Variants in SLC4A7 observed in about 807,000 individuals in gnomAD.
SLC4A7 encodes the protein solute carrier family 4 member 7, also known as sodium bicarbonate cotransporter 3.
In SLC4A7, 51 loss-of-function variants were observed where a neutral mutation model predicts 137.6. The ratio of observed to expected loss-of-function variants is 0.37; its 90% CI spans 0.30 to 0.47. The LOEUF (loss-of-function observed/expected upper bound fraction) is 0.47. Ranked by LOEUF, SLC4A7 falls within the 20% of genes least tolerant of loss-of-function variation. SLC4A7 has a pLI of 1.00. For synonymous variants in SLC4A7, 542 were observed against 518.6 expected (o/e 1.05, Z -0.61); for missense variants, 1,247 against 1,525.4 (o/e 0.82, Z 3.04).
intron 1 of SLC4A7, among the ~76,000 whole-genome samples, chr3:27,472,569 G>A (rs1311925781): frequency 6.6e-6 from 1 of 152,096 alleles, no homozygotes; most frequent in Non-Finnish European, 1.5e-5. Context: ...GCATTTTTCA[G>A]CTGTGATCTG....
chr3:27,394,659 A>C lies in SLC4A7; in HGVS notation c.2976T>G (p.His992Gln), dbSNP rs746873840. The change falls in exon 20 of 26, where the codon CAT becomes CAG. Residue 992 changes from histidine (H) to glutamine (Q), a missense_variant. By Grantham distance (24) the His-to-Gln change is conservative. Around this residue, in one of 6 missense-constraint regions of SLC4A7, gnomAD observed 290 missense variants for 323.8 expected, o/e 0.90. Coordinates refer to ENST00000454389, the MANE Select transcript of SLC4A7 (RefSeq NM_001321103.2). ...CAGATTCAACTTTTAAGCTGTTGAC[A>C]TGACTTATTGACAACACTGTTGCAG... Reference protein sequence around the residue: ...FVAATVLSISHVNSLKVESEC... With the variant: ...FVAATVLSISQVNSLKVESEC... The C allele has an allele frequency of 2.5e-6, 4 of 1,614,082 alleles. No individual in the cohort carries two copies. In the African/African-American group the frequency reaches 5.3e-5, roughly 22 times the overall value.
chr3:27,408,740 A>G (rs1397040159), intron 13 of SLC4A7, among the ~76,000 whole-genome samples: 1 of 152,242 alleles, frequency 6.6e-6, no homozygotes, highest in Non-Finnish European at 1.5e-5. Flanking sequence ...ATAACCAGGA[A>G]CAGGAAAACA....
intron 8 of SLC4A7, among the ~76,000 whole-genome samples, chr3:27,422,398 G>C (rs543722522): frequency 6.6e-6 from 1 of 152,194 alleles, no homozygotes; most frequent in East Asian, 1.9e-4. Context: ...CTCCCGAGTA[G>C]CTGAGACTAC....
intron 3 of SLC4A7, among the ~76,000 whole-genome samples, chr3:27,438,575 C>G (rs574329939): frequency 6.7e-6 from 1 of 148,648 alleles, no homozygotes; most frequent in East Asian, 1.9e-4. Context: ...CATAAAATAA[C>G]AAAATAACAT....
chr3:27,464,803 G>T (rs549691097), intron 1 of SLC4A7, among the ~76,000 whole-genome samples: 5 of 152,280 alleles, frequency 3.3e-5, no homozygotes, highest in Admixed American at 2.0e-4. Context: ...TGGGAGGATG[G>T]GGTGGAACCG....
intron 1 of SLC4A7, among the ~76,000 whole-genome samples, chr3:27,460,039 T>C (rs1439443129): frequency 6.9e-6 from 1 of 144,134 alleles, no homozygotes; most frequent in Non-Finnish European, 1.5e-5. Flanking sequence ...ATATATATAA[T>C]TTTTTTTTTT....
At chr3:27,409,246 CA>C in intron 13 of SLC4A7, 109 bp downstream of exon 13, 1 of 812,008 alleles carries the variant, frequency 1.2e-6, no homozygotes. Flanking sequence ...TCACGTTAAT[CA>C]TGCTGTGGGT....
intron 1 of SLC4A7, among the ~76,000 whole-genome samples, chr3:27,474,121 A>G (rs2059369882): frequency 6.6e-6 from 1 of 152,188 alleles, no homozygotes; most frequent in African/African-American, 2.4e-5. Flanking sequence ...AAAGTCTAAC[A>G]TTATCAAAAA....
chr3:27,434,017 T>A lies in SLC4A7; in HGVS notation c.677A>T (p.His226Leu), dbSNP rs770088340. ...GGTGAATCTTTTCTCATTCTGATGA[T>A]GATGTCTCTTCAGAAGAGCTTCTCT... ...NVREALLKRH[H>L]HQNEKRFTSR... Residue 226 changes from histidine to leucine, a missense_variant, in exon 6 of 26, where the codon CAT becomes CTT. Transcript: ENST00000454389. 1 of 1,613,268 alleles carries A rather than the reference T, an allele frequency of 6.2e-7. No homozygotes were observed. The highest frequency in any genetic ancestry group is 2.2e-5 in the East Asian group (1 of 44,824).
chr3:27,411,702 A>G lies in SLC4A7; in HGVS notation c.1706T>C (p.Leu569Pro), dbSNP rs751196756. 6.4e-7 allele frequency: 1 copy of G among 1,560,190 alleles called. No individual in the cohort carries two copies. The highest frequency in any genetic ancestry group is 1.8e-5 in the Admixed American group (1 of 55,212). ...PVFHNGSTPT[L>P]GETPKEAAHH... ...AGCGGCCTCTTTAGGAGTCTCACCC[A>G]GTGTGGGGGTAGATCCATTGTGAAA... Residue 569 changes from leucine to proline, a missense_variant, in exon 12 of 26, where the codon CTG (leucine) becomes CCG (proline). Leu to Pro is a moderately conservative substitution (Grantham distance 98). Around this residue, in one of 6 missense-constraint regions of SLC4A7, gnomAD observed 499 missense variants for 664.2 expected, o/e 0.75. Transcript: ENST00000454389.
In SLC4A7 at chr3:27,376,677, G is replaced by A; in HGVS notation, c.*87C>T. ...CCCGGTAGTCACACATAAACAGCAT[G>A]ACATACAATATTCTTATATATAGTG... On this transcript the variant is annotated 3_prime_UTR_variant, in exon 26 of 26. Coordinates refer to ENST00000454389, the MANE Select transcript of SLC4A7 (RefSeq NM_001321103.2). 1.2e-6 allele frequency: 1 copy of A among 805,928 alleles called. No homozygotes were observed. The highest frequency in any genetic ancestry group is 2.0e-6 in the Non-Finnish European group (1 of 491,972). 49.9% of individuals were successfully genotyped at this position (805,928 alleles called of 1,614,324 possible).
intron 24 of SLC4A7, among the ~76,000 whole-genome samples, chr3:27,379,978 G>A (rs1559613385): frequency 1.3e-5 from 2 of 152,104 alleles, no homozygotes; most frequent in Non-Finnish European, 2.9e-5. Context: ...TATTTAGTGT[G>A]ATAAAGGTGG....
chr3:27,385,223 C>T (rs550198945), intron 23 of SLC4A7, among the ~76,000 whole-genome samples: 1 of 152,204 alleles, frequency 6.6e-6, no homozygotes, highest in African/African-American at 2.4e-5. Flanking sequence ...ATCAACAAAA[C>T]CATCAATGCT....
chr3:27,427,340 AGAGAT>A (rs2055747975), intron 7 of SLC4A7, among the ~76,000 whole-genome samples: 1 of 151,502 alleles, frequency 6.6e-6, no homozygotes, highest in Admixed American at 6.6e-5. Context: ...TACTTTCCCT[AGAGAT>A]GAGGGTCTCA....
intron 12 of SLC4A7, 63 bp downstream of exon 12, chr3:27,411,579 T>C (rs1004471707): frequency 5.8e-6 from 5 of 858,286 alleles, no homozygotes; most frequent in South Asian, 6.5e-5. Flanking sequence ...GGAAAAAATA[T>C]AATATTTATG....
chr3:27,457,578 T>C (rs1034552626), intron 1 of SLC4A7, among the ~76,000 whole-genome samples: 2 of 152,182 alleles, frequency 1.3e-5, no homozygotes, highest in East Asian at 1.9e-4. Flanking sequence ...TTCTTAATAG[T>C]TGCAACGTAG....
rs530060508 is a variant in SLC4A7 at position 27,453,004 on chromosome 3, T to C, written c.61-506A>G. 9.9e-4 allele frequency among the ~76,000 whole-genome samples: 151 copies of C among 152,316 alleles called. 1 individual carries two copies. In the South Asian group the frequency reaches 0.03, roughly 30 times the overall value. On this transcript the variant is annotated intron_variant, in intron 1 of 25. Transcript: ENST00000454389. ...CTGATTAATCAAGAGCTAACAAAAG[T>C]TAAAAGAACTTTTTCTTTTCCCCCA...
Position 27,424,060 on chromosome 3 carries a change from T to C in SLC4A7, c.1243A>G (p.Asn415Asp). ...ACCTTGCTGAAGTCAACAGTACTAT[T>C]TTCTCTGCTTCCACCACTTCCATTA... The part of the protein sequence containing the change: ...KGNGSGGSRE[N>D]STVDFSKVDM... Residue 415 changes from asparagine to aspartate, a missense_variant, in exon 8 of 26, where the codon AAT (asparagine) becomes GAT (aspartate). Around this residue, in one of 6 missense-constraint regions of SLC4A7, gnomAD observed 499 missense variants for 664.2 expected, o/e 0.75. Transcript: ENST00000454389. The C allele has an allele frequency of 6.3e-7, 1 of 1,599,612 alleles. No individual in the cohort carries two copies. Among genetic ancestry groups the C allele is most frequent in the South Asian group, 1.1e-5 (1 of 90,596 alleles).
At chr3:27,407,931 C>A (rs1346255555) in intron 13 of SLC4A7, among the ~76,000 whole-genome samples, 2 of 152,124 alleles carry the variant, frequency 1.3e-5, no homozygotes, top group Non-Finnish European at 2.9e-5. Context: ...ACTCTGGGAC[C>A]GTATCTCCTA....
Sources: allele counts gnomAD v4.1 joint callset (sites outside exome capture counted in the v4.1 genomes callset), GRCh38; gene constraint gnomAD v4.1.1; regional missense constraint gnomAD v4.1.1; transcripts MANE v1.5; gene names NCBI Gene and HGNC (gene_info 2026-07-23, HGNC 2026-07-21).